VSNL1: variants seen among roughly 807,000 people sequenced by gnomAD.
VSNL1 encodes the protein visinin-like protein 1.
Under a neutral mutation model 20.4 loss-of-function variants are expected in VSNL1, and 6 were observed. That is an observed-to-expected ratio of 0.29 (90% CI 0.16 to 0.58). The LOEUF is 0.58. Ranked by LOEUF, VSNL1 falls within the 20% of genes least tolerant of loss-of-function variation. The probability of loss-of-function intolerance (pLI) is 0.90; values close to 1 mark genes in which losing one functional copy is unlikely to be tolerated. For missense variants in VSNL1, 100 were observed against 234.5 expected, an observed-to-expected ratio of 0.43 and a Z score of 3.75; for synonymous variants, 93 against 86.4, an observed-to-expected ratio of 1.08 and a Z score of -0.42.
chr2:17,652,709 C>T (rs1348016964), intron 3 of VSNL1, among the ~76,000 whole-genome samples: 1 of 152,244 alleles, frequency 6.6e-6, no homozygotes, highest in Non-Finnish European at 1.5e-5. Flanking sequence ...GCTTATTGTT[C>T]AGAAACTTCT....
chr2:17,555,937 C>A (rs1201403634), intron 1 of VSNL1, among the ~76,000 whole-genome samples: 1 of 152,086 alleles, frequency 6.6e-6, no homozygotes, highest in East Asian at 1.9e-4. Context: ...AGACAAATAT[C>A]TTTTTTCAAG....
intron 1 of VSNL1, among the ~76,000 whole-genome samples, chr2:17,564,523 T>A (rs1663892202): frequency 6.6e-6 from 1 of 152,212 alleles, no homozygotes; most frequent in African/African-American, 2.4e-5. Context: ...GTGTTCTTAG[T>A]ACAATGGCAG....
chr2:17,559,019 G>A (rs1468600747), intron 1 of VSNL1, among the ~76,000 whole-genome samples: 1 of 151,932 alleles, frequency 6.6e-6, no homozygotes, highest in Admixed American at 6.6e-5. Context: ...ACTTCTCAGG[G>A]ACCCAGACTC....
At chr2:17,620,667 A>G (rs1665333672) in intron 2 of VSNL1, among the ~76,000 whole-genome samples, 1 of 152,198 alleles carries the variant, frequency 6.6e-6, no homozygotes, top group Admixed American at 6.5e-5. Flanking sequence ...TCATGATATT[A>G]TCTTTTGAGA....
chr2:17,622,536 GA>G (rs1324092898), intron 2 of VSNL1, among the ~76,000 whole-genome samples: 2 of 19,554 alleles, frequency 1.0e-4, no homozygotes, highest in Admixed American at 4.8e-4. Flanking sequence ...AGAAAGAAAA[GA>G]AAGAAAGAAA....
chr2:17,558,731 CA>C (rs1164091311), intron 1 of VSNL1, among the ~76,000 whole-genome samples: 2 of 152,042 alleles, frequency 1.3e-5, no homozygotes, highest in Non-Finnish European at 2.9e-5. Flanking sequence ...ATTTAAAATT[CA>C]AAGGTCTTGA....
intron 1 of VSNL1, among the ~76,000 whole-genome samples, chr2:17,574,881 C>T (rs1198340361): frequency 1.3e-5 from 2 of 152,218 alleles, no homozygotes; most frequent in African/African-American, 4.8e-5. Context: ...ATCCTCCTTC[C>T]TCAGCCTCCC....
chr2:17,549,491 A>G (rs1340407012), intron 1 of VSNL1, among the ~76,000 whole-genome samples: 1 of 152,234 alleles, frequency 6.6e-6, no homozygotes, highest in Non-Finnish European at 1.5e-5. Flanking sequence ...TAATAGCTTC[A>G]TAACAAATCA....
chr2:17,571,675 G>A (rs1454245392), intron 1 of VSNL1, among the ~76,000 whole-genome samples: 1 of 152,116 alleles, frequency 6.6e-6, no homozygotes, highest in East Asian at 1.9e-4. Flanking sequence ...TGCCCTCTTG[G>A]AGCTTACATT....
At chr2:17,547,211 T>G (rs546818386) in intron 1 of VSNL1, among the ~76,000 whole-genome samples, 1 of 152,108 alleles carries the variant, frequency 6.6e-6, no homozygotes, top group South Asian at 2.1e-4. Flanking sequence ...AATAAATTGT[T>G]TAAACTCTCA....
At chr2:17,552,168 C>G (rs1241337466) in intron 1 of VSNL1, among the ~76,000 whole-genome samples, 2 of 148,472 alleles carry the variant, frequency 1.3e-5, no homozygotes, top group Non-Finnish European at 3.0e-5. Context: ...CCACTGCACT[C>G]CAGCCTGGGC....
chr2:17,543,589 AGAAGGGAAAGG>A (rs1229994641), intron 1 of VSNL1, among the ~76,000 whole-genome samples: 1 of 152,190 alleles, frequency 6.6e-6, no homozygotes, highest in African/African-American at 2.4e-5. Flanking sequence ...CCACCTGCGG[AGAAGGGAAAGG>A]GAAGGGACAG....
intron 2 of VSNL1, among the ~76,000 whole-genome samples, chr2:17,641,538 A>G (rs1389196110): frequency 6.6e-6 from 1 of 152,256 alleles, no homozygotes; most frequent in Non-Finnish European, 1.5e-5. Flanking sequence ...GAAGTACTAG[A>G]ATAATCCCCT....
At chr2:17,636,862 T>C (rs574080962) in intron 2 of VSNL1, among the ~76,000 whole-genome samples, 1 of 152,174 alleles carries the variant, frequency 6.6e-6, no homozygotes, top group Non-Finnish European at 1.5e-5. Flanking sequence ...GTTTGGAGAG[T>C]GCTTTAGCAG....
rs140352894 is a variant in VSNL1, at chr2:17,583,819, T to C, written c.-5-8251T>C. 5.9e-3 allele frequency among the ~76,000 whole-genome samples: 901 copies of C among 152,340 alleles called. 8 individuals carry two copies. Among genetic ancestry groups the C allele is most frequent in the African/African-American group, 0.017 (710 of 41,570 alleles). On this transcript the variant is annotated intron_variant, in intron 1 of 3. Transcript: ENST00000295156. ...GTTTCACAATTTGTGTACGTCTGTT[T>C]ACATGTGCCAGGCTCGGTGCCATGT... is the stretch of plus-strand genomic sequence containing the variant.
rs114031070 is a variant in VSNL1 at position 17,596,122 on chromosome 2, T to C, written c.162+3886T>C. Among the ~76,000 whole-genome samples the C allele has an allele frequency of 6.3e-3, 967 of 152,316 alleles. 9 individuals carry two copies. Among genetic ancestry groups the C allele is most frequent in the African/African-American group, 0.02 (841 of 41,572 alleles). On this transcript the variant is annotated intron_variant, in intron 2 of 3. Transcript: ENST00000295156. ...TGTTATGGCAGCCTGAGCAAATGAA[T>C]ATAATTCTTATTCCTTCTCTGTTGT... is the stretch of plus-strand genomic sequence containing the variant.
chr2:17,567,926 A>G (rs1256088125), intron 1 of VSNL1, among the ~76,000 whole-genome samples: 1 of 152,092 alleles, frequency 6.6e-6, no homozygotes, highest in East Asian at 1.9e-4. Context: ...TGATATTTTA[A>G]ATACATTGCT....
intron 3 of VSNL1, among the ~76,000 whole-genome samples, chr2:17,651,643 C>CTCTGT: frequency 6.6e-6 from 1 of 152,336 alleles, no homozygotes; most frequent in East Asian, 1.9e-4. Context: ...GGCCAGCTCC[C>CTCTGT]GGCAGCACCA....
At chr2:17,601,803 C>A (rs976969399) in intron 2 of VSNL1, among the ~76,000 whole-genome samples, 10 of 151,504 alleles carry the variant, frequency 6.6e-5, no homozygotes, top group African/African-American at 2.4e-4. Flanking sequence ...GGTGTGGTGG[C>A]ATGCACCTGT....
Sources: allele counts gnomAD v4.1 joint callset (sites outside exome capture counted in the v4.1 genomes callset), GRCh38; gene constraint gnomAD v4.1.1; transcripts MANE v1.5; gene names NCBI Gene and HGNC (gene_info 2026-07-23, HGNC 2026-07-21).